The following BTD variants were observed in gnomAD, a reference collection of about 807,000 sequenced individuals.
The protein encoded by BTD is biocytinase.
BTD carries 13 observed loss-of-function variants against 17.7 expected under a neutral mutation model. The observed-to-expected ratio is 0.74, with a 90% CI of 0.48 to 1.17. The LOEUF (loss-of-function observed/expected upper bound fraction) is 1.17, where lower values mean the gene tolerates loss of function less well. Ranked by LOEUF, BTD falls within the 50% of genes most tolerant of loss-of-function variation. The pLI is 0.00. For synonymous variants in BTD, 240 were observed against 245.2 expected (o/e 0.98, Z 0.20); for missense variants, 674 against 650.4 (o/e 1.04, Z -0.39).
intron 2 of BTD, among the ~76,000 whole-genome samples, chr3:15,638,065 C>T (rs2065398861): frequency 6.6e-6 from 1 of 152,186 alleles, no homozygotes; most frequent in Non-Finnish European, 1.5e-5. Flanking sequence ...TACACGATGA[C>T]ATGTTGCTGG....
At chr3:15,608,803 A>G (rs2064533696) in intron 1 of BTD, among the ~76,000 whole-genome samples, 1 of 151,690 alleles carries the variant, frequency 6.6e-6, no homozygotes. Flanking sequence ...ATTTCTCCGT[A>G]TGATGGAATT....
intron 3 of BTD, among the ~76,000 whole-genome samples, chr3:15,665,542 G>C (rs954358654): frequency 6.6e-6 from 1 of 152,218 alleles, no homozygotes; most frequent in African/African-American, 2.4e-5. Flanking sequence ...ACCACAAAAA[G>C]AGAAGGAACA....
Position 15,601,821 on chromosome 3 carries a change from C to T in BTD, c.-90C>T. The T allele has an allele frequency of 1.2e-6, 2 of 1,614,166 alleles. No homozygotes were observed. Among genetic ancestry groups the T allele is most frequent in the Non-Finnish European group, 1.7e-6 (2 of 1,180,030 alleles). ...TCGCCATTGTCTCCGAGTCGGCCAG[C>T]TGGAGCGTTTTCGGGGCTGTAAAGG... On this transcript the variant is annotated 5_prime_UTR_variant, in exon 1 of 4. Transcript: ENST00000643237.
intron 3 of BTD, chr3:15,677,132 C>T: frequency 8.5e-7 from 1 of 1,172,822 alleles, no homozygotes. Flanking sequence ...AATCTGCAAT[C>T]CTAGTCCATA....
intron 1 of BTD, chr3:15,606,889 A>G (rs2064472307): frequency 1.3e-5 from 2 of 151,744 alleles, no homozygotes; most frequent in East Asian, 1.9e-4. Context: ...ACACAAATTC[A>G]TAAACTTTCT....
chr3:15,685,206 T>C (rs766343422), intron 3 of BTD: 1 of 1,599,738 alleles, frequency 6.3e-7, no homozygotes, highest in African/African-American at 1.3e-5. Context: ...ATGATATGCA[T>C]TTGTGTTTGT....
At chr3:15,689,194 T>C (rs2068495394) in intron 3 of BTD, among the ~76,000 whole-genome samples, 1 of 152,166 alleles carries the variant, frequency 6.6e-6, no homozygotes, top group Admixed American at 6.5e-5. Context: ...CAAGCTGACA[T>C]TTTTCAGCTC....
chr3:15,706,628 T>C (rs1370626633), intron 3 of BTD, among the ~76,000 whole-genome samples: 2 of 152,142 alleles, frequency 1.3e-5, no homozygotes, highest in East Asian at 3.8e-4. Flanking sequence ...CTGGGTCAAA[T>C]GGTATTTCTA....
At chr3:15,627,614 C>T (rs1166180051) in intron 1 of BTD, among the ~76,000 whole-genome samples, 1 of 152,198 alleles carries the variant, frequency 6.6e-6, no homozygotes, top group Non-Finnish European at 1.5e-5. Flanking sequence ...GTGTTATTTC[C>T]AGCACTGTGG....
chr3:15,669,758 GGTA>G (rs1559297920), intron 3 of BTD: 1 of 152,136 alleles, frequency 6.6e-6, no homozygotes, highest in African/African-American at 2.4e-5. Flanking sequence ...GTTTGGTTTA[GGTA>G]ATGTTTCATT....
At chr3:15,673,518 TAAC>T (rs1350970410) in intron 3 of BTD, among the ~76,000 whole-genome samples, 2 of 152,046 alleles carry the variant, frequency 1.3e-5, no homozygotes, top group Non-Finnish European at 1.5e-5. Flanking sequence ...AAAATCAACA[TAAC>T]AAAAAAGTAC....
intron 1 of BTD, among the ~76,000 whole-genome samples, chr3:15,633,545 C>T (rs149219447): frequency 2.0e-5 from 3 of 152,314 alleles, no homozygotes; most frequent in Non-Finnish European, 4.4e-5. Flanking sequence ...GTCCTTTAGA[C>T]ATAAACAAAT....
intron 1 of BTD, among the ~76,000 whole-genome samples, chr3:15,630,685 AT>A (rs958068319): frequency 6.6e-6 from 1 of 152,050 alleles, no homozygotes; most frequent in African/African-American, 2.4e-5. Context: ...AATAGCTGGA[AT>A]TTTTTTTGAA....
intron 1 of BTD, among the ~76,000 whole-genome samples, chr3:15,613,462 A>T (rs1400836813): frequency 6.6e-6 from 1 of 151,744 alleles, no homozygotes; most frequent in Non-Finnish European, 1.5e-5. Flanking sequence ...ATAATATTTC[A>T]TCTGTCTCCC....
At chr3:15,656,636 A>G (rs1194235930), downstream of BTD, among the ~76,000 whole-genome samples, 2 of 152,180 alleles carry the variant, frequency 1.3e-5, no homozygotes, top group African/African-American at 4.8e-5. Context: ...GAGCATTTTT[A>G]TATCCAACAT....
chr3:15,704,032 T>C (rs941341725), intron 3 of BTD, among the ~76,000 whole-genome samples: 1 of 152,158 alleles, frequency 6.6e-6, no homozygotes, highest in African/African-American at 2.4e-5. Flanking sequence ...CCTTCTCTTA[T>C]ATACATACTA....
At chr3:15,607,780 G>A (rs749980855) in intron 1 of BTD, among the ~76,000 whole-genome samples, 4 of 151,824 alleles carry the variant, frequency 2.6e-5, no homozygotes, top group Non-Finnish European at 5.9e-5. Flanking sequence ...ATAAAAAGGC[G>A]GAAACAACAA....
chr3:15,714,519 T>C, downstream of BTD: 1 of 1,258,406 alleles, frequency 7.9e-7, no homozygotes, highest in Non-Finnish European at 1.1e-6. Context: ...GTGGATGTTT[T>C]TACTACATTT....
chr3:15,674,447 G>C (rs2066728595), intron 3 of BTD, among the ~76,000 whole-genome samples: 1 of 152,148 alleles, frequency 6.6e-6, no homozygotes. Flanking sequence ...ATGCTGTGGG[G>C]AGAGTAGGTC....
Sources: allele counts gnomAD v4.1 joint callset (sites outside exome capture counted in the v4.1 genomes callset), GRCh38; gene constraint gnomAD v4.1.1; transcripts MANE v1.5; gene names NCBI Gene and HGNC (gene_info 2026-07-23, HGNC 2026-07-21).